The following SAFB2 variants were observed in gnomAD, a reference collection of about 807,000 sequenced individuals.
The protein encoded by SAFB2 is scaffold attachment factor B2.
SAFB2 carries 32 observed loss-of-function variants against 100.6 expected under a neutral mutation model. The observed-to-expected ratio is 0.32, with a 90% CI of 0.24 to 0.43. The LOEUF is 0.43. Among genes scored for constraint, SAFB2 ranks in the 20% least tolerant of loss-of-function variants. The pLI is 1.00. For missense variants in SAFB2, 1,185 were observed against 1,163.4 expected (o/e 1.02, Z -0.27); for synonymous variants, 500 against 439.4 (o/e 1.14, Z -1.72).
At position 5,594,067 on chromosome 19, in the gene SAFB2, C is replaced by T. The variant is rs753699081; in HGVS notation, c.2031G>A (p.Leu677=). ...RLQLECQRQR[L]ERERMERERL... is the part of the protein sequence containing the mutation. ...GCTCCCGCTCCATGCGCTCCCGCTCCAGCCGCTGGCGCTGGCACTCGAGCT... is the reference window on the plus strand; with the variant it reads ...GCTCCCGCTCCATGCGCTCCCGCTCTAGCCGCTGGCGCTGGCACTCGAGCT... The change falls in exon 15 of 21, where the codon CTG becomes CTA. Residue 677 remains leucine (L), a synonymous_variant. Coordinates refer to ENST00000252542, the MANE Select transcript of SAFB2 (RefSeq NM_014649.3). 5 of 1,592,648 alleles carry T rather than the reference C, an allele frequency of 3.1e-6. No homozygotes were observed. The highest frequency in any genetic ancestry group is 3.4e-6 in the Non-Finnish European group (4 of 1,174,792).
Position 5,587,088 on chromosome 19 carries a change from T to TAAA in SAFB2, c.*152_*154dup, listed in dbSNP as rs761417725. The TAAA allele has an allele frequency of 2.2e-4, 173 of 791,170 alleles. No individual in the cohort carries two copies. Among genetic ancestry groups the TAAA allele is most frequent in the Middle Eastern group, 8.4e-4 (2 of 2,392 alleles). 49.0% of individuals were successfully genotyped at this position (791,170 alleles called of 1,614,324 possible). ...ATGGCAGAACAAGAACACATTTATT[T>TAAA]AAAAAAAAAAAAAAAGTGAGTTCAC... On this transcript the variant is annotated 3_prime_UTR_variant, in exon 21 of 21. Transcript: ENST00000252542. This position sits in a 1 kb window ranked among gnomAD's most constrained non-coding sequence, Gnocchi z 4.9.
At chr19:5,599,063 G>A (rs2052597483) in intron 12 of SAFB2, among the ~76,000 whole-genome samples, 179 bp from the exon 13 acceptor site, 1 of 152,172 alleles carries the variant, frequency 6.6e-6, no homozygotes, top group Non-Finnish European at 1.5e-5. Flanking sequence ...CACGGGCACA[G>A]CATCATGGGG....
At chr19:5,609,120 C>G (rs1230351334) in intron 9 of SAFB2, among the ~76,000 whole-genome samples, 1 of 144,446 alleles carries the variant, frequency 6.9e-6, no homozygotes, top group Non-Finnish European at 1.5e-5. Flanking sequence ...TAATTTCAAA[C>G]AGTGGAATCA....
chr19:5,598,866 C>T lies in SAFB2; in HGVS notation c.1709G>A (p.Arg570Gln), dbSNP rs752835172. The change falls in exon 13 of 21, where the codon CGG (arginine) becomes CAG (glutamine). Residue 570 changes from arginine to glutamine, a missense_variant. Arg to Gln is a conservative substitution (Grantham distance 43). Around this residue, in one of 3 missense-constraint regions of SAFB2, gnomAD observed 740 missense variants for 687.1 expected, o/e 1.08. Coordinates refer to ENST00000252542, the MANE Select transcript of SAFB2 (RefSeq NM_014649.3). ...VTKSGSRGMERTVVMDKSKGE... is the reference protein window; with the variant it reads ...VTKSGSRGMEQTVVMDKSKGE... ...TTTCGATTTATCCATCACGACCGTC[C>T]GCTCCATTCCTCTGCTTCCTTCAGG... 16 of 1,614,084 alleles carry T rather than the reference C, an allele frequency of 9.9e-6. No individual in the cohort carries two copies. The highest frequency in any genetic ancestry group is 1.7e-5 in the Admixed American group (1 of 60,016).
chr19:5,606,933 A>G (rs1267607955), intron 9 of SAFB2, among the ~76,000 whole-genome samples: 1 of 152,192 alleles, frequency 6.6e-6, no homozygotes. Flanking sequence ...TGAGGTGAAC[A>G]TGATTTTTTC....
In SAFB2 at chr19:5,602,876, T is replaced by C. The variant is rs536327394; in HGVS notation, c.1559+1707A>G. 7.6e-4 allele frequency among the ~76,000 whole-genome samples: 116 copies of C among 152,270 alleles called. 1 individual carries two copies. Among genetic ancestry groups the C allele is most frequent in the African/African-American group, 2.5e-3 (105 of 41,542 alleles). ...AGCAATGCTGATGGGATGTGTCTTT[T>C]TGAAGTTGCTGATTAAATTAGAGGG... On this transcript the variant is annotated intron_variant, in intron 11 of 20. Coordinates refer to ENST00000252542, the MANE Select transcript of SAFB2 (RefSeq NM_014649.3).
intron 17 of SAFB2, among the ~76,000 whole-genome samples, chr19:5,591,072 C>T (rs952446073): frequency 5.9e-5 from 9 of 152,094 alleles, no homozygotes; most frequent in Non-Finnish European, 1.2e-4. Context: ...CCCATCCCCC[C>T]GACCCTGGCA....
At chr19:5,601,625 T>C (rs1283718913) in intron 11 of SAFB2, among the ~76,000 whole-genome samples, 2 of 151,992 alleles carry the variant, frequency 1.3e-5, no homozygotes, top group African/African-American at 4.8e-5. Context: ...GGCAGGAGAA[T>C]TGCTTGAACC....
In SAFB2 at chr19:5,587,802, C is replaced by A. The variant is rs756239695; in HGVS notation, c.2639-35G>T. On this transcript the variant is annotated intron_variant, in intron 19 of 20. Coordinates refer to ENST00000252542, the MANE Select transcript of SAFB2 (RefSeq NM_014649.3). The surrounding 1 kb of genome is among the most constrained non-coding windows in gnomAD (Gnocchi z 4.9). ...AAGAAGGGTCTGCAAACACTCCGTTCCTGGGGAAGCCCCTGGACACATGTG... is the reference window on the plus strand; with the variant it reads ...AAGAAGGGTCTGCAAACACTCCGTTACTGGGGAAGCCCCTGGACACATGTG... 3.2e-6 allele frequency: 5 copies of A among 1,559,394 alleles called. No individual in the cohort carries two copies. Among genetic ancestry groups the A allele is most frequent in the Non-Finnish European group, 4.3e-6 (5 of 1,151,210 alleles).
At chr19:5,618,425 T>A (rs763443673) in intron 2 of SAFB2, among the ~76,000 whole-genome samples, 6 of 152,168 alleles carry the variant, frequency 3.9e-5, no homozygotes, top group Non-Finnish European at 7.4e-5. Flanking sequence ...AGAGTCTCAC[T>A]CACCACTATT....
intron 9 of SAFB2, among the ~76,000 whole-genome samples, chr19:5,609,457 C>T (rs1444540345): frequency 6.6e-6 from 1 of 152,118 alleles, no homozygotes; most frequent in Non-Finnish European, 1.5e-5. Flanking sequence ...GCACAGAACA[C>T]CACGGCTGGC....
At chr19:5,597,237 C>A (rs769163847) in intron 13 of SAFB2, among the ~76,000 whole-genome samples, 11 of 152,150 alleles carry the variant, frequency 7.2e-5, no homozygotes, top group Non-Finnish European at 1.3e-4. Context: ...GTCCCCTCCA[C>A]AACCTTTCTG....
At chr19:5,618,667 T>C (rs1375815065) in intron 2 of SAFB2, among the ~76,000 whole-genome samples, 2 of 152,216 alleles carry the variant, frequency 1.3e-5, no homozygotes, top group Non-Finnish European at 2.9e-5. Context: ...GTTTGGTAAT[T>C]GCACCCAATT....
chr19:5,588,739 G>C (rs1197333355), intron 18 of SAFB2, among the ~76,000 whole-genome samples: 1 of 152,172 alleles, frequency 6.6e-6, no homozygotes, highest in African/African-American at 2.4e-5. Context: ...GCTGCTAAAA[G>C]GGGCAGGGTT....
chr19:5,588,419 T>C (rs2052312827), intron 18 of SAFB2, among the ~76,000 whole-genome samples: 1 of 152,192 alleles, frequency 6.6e-6, no homozygotes. Context: ...AATGAAAACA[T>C]GGCCAAAGAC....
At chr19:5,608,886 G>C (rs138668980) in intron 9 of SAFB2, among the ~76,000 whole-genome samples, 1,814 of 151,820 alleles carry the variant, frequency 0.012, 12 homozygotes, top group Non-Finnish European at 0.017. Flanking sequence ...CATCTCTACT[G>C]AAAATACAAA....
chr19:5,599,520 C>G (rs1447618173), intron 12 of SAFB2, among the ~76,000 whole-genome samples: 1 of 152,154 alleles, frequency 6.6e-6, no homozygotes, highest in Non-Finnish European at 1.5e-5. Flanking sequence ...ATGTGCTGTA[C>G]CAAATTTCAA....
At chr19:5,593,235 T>C (rs529692170) in intron 15 of SAFB2, among the ~76,000 whole-genome samples, 1 of 152,348 alleles carries the variant, frequency 6.6e-6, no homozygotes, top group East Asian at 1.9e-4. Flanking sequence ...GCCACACTTT[T>C]ACTTTCCCTG....
intron 18 of SAFB2, among the ~76,000 whole-genome samples, chr19:5,588,665 T>A (rs2052319016): frequency 6.6e-6 from 1 of 151,176 alleles, no homozygotes; most frequent in South Asian, 2.1e-4. Context: ...AAGAAATGAC[T>A]CAAGACGGCA....
Sources: allele counts gnomAD v4.1 joint callset (sites outside exome capture counted in the v4.1 genomes callset), GRCh38; gene constraint gnomAD v4.1.1; regional missense constraint gnomAD v4.1.1; non-coding constraint Gnocchi (gnomAD v3.1); transcripts MANE v1.5; gene names NCBI Gene and HGNC (gene_info 2026-07-23, HGNC 2026-07-21).